Variants in CLVS1 observed in about 807,000 individuals in gnomAD.
The protein encoded by CLVS1 is clavesin-1.
Under a neutral mutation model 33.1 loss-of-function variants are expected in CLVS1, and 10 were observed. The ratio of observed to expected loss-of-function variants is 0.30; its 90% confidence interval spans 0.19 to 0.51. CLVS1 has a LOEUF of 0.51. CLVS1 is among the 20% of genes least tolerant of loss of function. The pLI, the probability that CLVS1 is intolerant of heterozygous loss-of-function variation, is 0.97. For missense variants in CLVS1, 343 were observed against 433.4 expected, an observed-to-expected ratio of 0.79 and a Z score of 1.85; for synonymous variants, 163 against 166.1, an observed-to-expected ratio of 0.98 and a Z score of 0.14.
intron 1 of CLVS1, among the ~76,000 whole-genome samples, chr8:61,291,160 C>G (rs1809975099): frequency 6.6e-6 from 1 of 152,188 alleles, no homozygotes; most frequent in South Asian, 2.1e-4. Context: ...CCTCCCATAG[C>G]CCTTTATTAT....
At chr8:61,101,537 A>G (rs1383603884) in intron 1 of CLVS1, among the ~76,000 whole-genome samples, 1 of 152,054 alleles carries the variant, frequency 6.6e-6, no homozygotes, top group Non-Finnish European at 1.5e-5. Flanking sequence ...TCAGATACCT[A>G]TTTGCAAAAT....
intron 2 of CLVS1, among the ~76,000 whole-genome samples, chr8:61,152,308 C>T (rs746779642): frequency 6.6e-6 from 1 of 152,086 alleles, no homozygotes; most frequent in South Asian, 2.1e-4. Context: ...GCATGGATCC[C>T]ATCATTAGGG....
chr8:61,202,782 C>T (rs1807761735), intron 2 of CLVS1: 4 of 1,504,774 alleles, frequency 2.7e-6, no homozygotes, highest in Non-Finnish European at 2.7e-6. Flanking sequence ...AGCGATCTGC[C>T]CTCGGAGGTA....
the CLVS1 span, among the ~76,000 whole-genome samples, chr8:61,041,982 C>T: frequency 6.6e-5 from 10 of 152,012 alleles, no homozygotes; most frequent in South Asian, 8.3e-4. Context: ...TTGAATTATA[C>T]GAGAAAAAAA....
At chr8:61,174,429 G>A (rs1807072000) in intron 2 of CLVS1, among the ~76,000 whole-genome samples, 1 of 135,830 alleles carries the variant, frequency 7.4e-6, no homozygotes, top group Non-Finnish European at 1.6e-5. Flanking sequence ...GAGTGAGACT[G>A]TCTCAAAAAA....
chr8:61,475,358 G>A (rs1235141953), intron 5 of CLVS1, among the ~76,000 whole-genome samples: 1 of 152,150 alleles, frequency 6.6e-6, no homozygotes, highest in African/African-American at 2.4e-5. Flanking sequence ...CTAGATCCCT[G>A]AGGAATCGCC....
intron 5 of CLVS1, among the ~76,000 whole-genome samples, chr8:61,494,268 A>T (rs1364405088): frequency 6.6e-6 from 1 of 152,058 alleles, no homozygotes; most frequent in Admixed American, 6.6e-5. Flanking sequence ...AAAGAGAGAA[A>T]GGGAGATGGT....
chr8:61,368,484 A>T (rs947859518), intron 2 of CLVS1, among the ~76,000 whole-genome samples: 5 of 152,208 alleles, frequency 3.3e-5, no homozygotes, highest in Middle Eastern at 3.2e-3. Context: ...GGACAAGAAC[A>T]TTACCCTTTG....
chr8:61,470,997 G>A (rs1235946426), intron 5 of CLVS1, among the ~76,000 whole-genome samples: 2 of 152,188 alleles, frequency 1.3e-5, no homozygotes, highest in East Asian at 1.9e-4. Context: ...CACTGTGGCT[G>A]TTCATGATAG....
intron 2 of CLVS1, among the ~76,000 whole-genome samples, chr8:61,280,444 T>C (rs540741594): frequency 6.6e-6 from 1 of 152,346 alleles, no homozygotes; most frequent in African/African-American, 2.4e-5. Flanking sequence ...ATTCTCATTG[T>C]ATAATAGAAT....
At chr8:61,285,553 C>A (rs1809759437), upstream of CLVS1, among the ~76,000 whole-genome samples, 1 of 152,194 alleles carries the variant, frequency 6.6e-6, no homozygotes, top group South Asian at 2.1e-4. Flanking sequence ...GAAGGCCCGG[C>A]CTGCTTATAA....
chr8:61,317,508 C>T (rs1346584554), intron 2 of CLVS1, among the ~76,000 whole-genome samples: 1 of 152,088 alleles, frequency 6.6e-6, no homozygotes, highest in East Asian at 1.9e-4. Context: ...AATTAATGAG[C>T]AATAAAAATG....
chr8:61,389,998 C>T (rs1031151224), intron 3 of CLVS1, among the ~76,000 whole-genome samples: 5 of 152,078 alleles, frequency 3.3e-5, no homozygotes, highest in Non-Finnish European at 5.9e-5. Context: ...TTTTAGATTT[C>T]CCAAAATGGA....
intron 2 of CLVS1, among the ~76,000 whole-genome samples, chr8:61,272,996 T>G (rs1224908557): frequency 2.0e-5 from 3 of 150,988 alleles, no homozygotes; most frequent in Non-Finnish European, 4.4e-5. Flanking sequence ...TCTCAGCTCG[T>G]CAAAGTCATT....
At chr8:61,203,429 G>T (rs1388600484) in intron 2 of CLVS1, among the ~76,000 whole-genome samples, 1 of 152,088 alleles carries the variant, frequency 6.6e-6, no homozygotes, top group Non-Finnish European at 1.5e-5. Context: ...CCTTTGCTTG[G>T]TTTTAAGTAT....
chr8:61,161,474 A>T (rs72654661), intron 2 of CLVS1, among the ~76,000 whole-genome samples: 3 of 152,212 alleles, frequency 2.0e-5, no homozygotes, highest in Non-Finnish European at 4.4e-5. Context: ...GCCTTAAAAA[A>T]GAAGAAAATT....
chr8:61,267,483 A>G (rs1274332615), intron 2 of CLVS1, among the ~76,000 whole-genome samples: 2 of 152,194 alleles, frequency 1.3e-5, no homozygotes, highest in Non-Finnish European at 2.9e-5. Flanking sequence ...TCTTTGTTTT[A>G]TATCAGTCAC....
intron 3 of CLVS1, among the ~76,000 whole-genome samples, chr8:61,415,407 T>G (rs979546149): frequency 6.6e-6 from 1 of 152,180 alleles, no homozygotes; most frequent in Non-Finnish European, 1.5e-5. Flanking sequence ...CAACTTGTGG[T>G]GGGATATTAT....
intron 2 of CLVS1, among the ~76,000 whole-genome samples, chr8:61,213,557 C>T (rs1808016390): frequency 6.6e-6 from 1 of 151,712 alleles, no homozygotes; most frequent in Non-Finnish European, 1.5e-5. Context: ...TTATGCCTGT[C>T]TTTACTGCAA....
Sources: gnomAD v4.1 joint callset for allele counts (sites outside exome capture counted in the v4.1 genomes callset) on GRCh38, gnomAD v4.1.1 for gene constraint, MANE v1.5 for transcripts, NCBI Gene and HGNC (gene_info 2026-07-23, HGNC 2026-07-21) for gene names.